Variants in AKAP12 observed in about 807,000 individuals in gnomAD.
AKAP12 encodes A-kinase anchor protein 12.
In AKAP12, 32 loss-of-function variants were observed where a neutral mutation model predicts 79.9. The observed-to-expected ratio is 0.40, with a 90% confidence interval of 0.30 to 0.54. The LOEUF is 0.54. Among genes scored for constraint, AKAP12 ranks in the 20% least tolerant of loss-of-function variants. AKAP12 has a pLI of 0.48. For synonymous variants in AKAP12, 808 were observed against 857.0 expected, an observed-to-expected ratio of 0.94 and a Z score of 1.00; for missense variants, 2,074 against 2,177.0, an observed-to-expected ratio of 0.95 and a Z score of 0.94.
chr6:151,283,175 G>A (rs1933079), intron 2 of AKAP12, among the ~76,000 whole-genome samples: 69,574 of 151,968 alleles, frequency 0.46, 16,983 homozygotes, highest in East Asian at 0.78. Flanking sequence ...TGAGCGTTAA[G>A]GTAGAACTAA....
intron 2 of AKAP12, among the ~76,000 whole-genome samples, chr6:151,263,274 A>G (rs903424926): frequency 4.0e-5 from 6 of 151,842 alleles, no homozygotes; most frequent in Non-Finnish European, 5.9e-5. Flanking sequence ...GGCTCAAGCA[A>G]TCCCCCTGCC....
At position 151,246,136 on chromosome 6, in the gene AKAP12, C is replaced by T. The variant is rs183500451; in HGVS notation, c.162+5412C>T. 2.2e-4 allele frequency among the ~76,000 whole-genome samples: 34 copies of T among 152,236 alleles called. No homozygotes were observed. In the East Asian group the frequency reaches 3.1e-3, roughly 14 times the overall value. Reference sequence around the variant, plus strand: ...TTTATATGCATTTAAAAATTTAACCCGGCAAGGTGCGGTGGCTCACGCCTG... The same window carrying T: ...TTTATATGCATTTAAAAATTTAACCTGGCAAGGTGCGGTGGCTCACGCCTG... On this transcript the variant is annotated intron_variant, in intron 2 of 4. Coordinates refer to ENST00000402676, the MANE Select transcript of AKAP12 (RefSeq NM_005100.4).
chr6:151,275,189 C>T (rs2114716853), intron 2 of AKAP12, among the ~76,000 whole-genome samples: 1 of 152,186 alleles, frequency 6.6e-6, no homozygotes, highest in East Asian at 1.9e-4. Context: ...GGTTGTACTC[C>T]CCAACCACTG....
At chr6:151,323,349 A>C (rs928867865) in intron 3 of AKAP12, among the ~76,000 whole-genome samples, 6 of 152,134 alleles carry the variant, frequency 3.9e-5, no homozygotes, top group African/African-American at 1.4e-4. Context: ...TCAGGAGTTC[A>C]AGACCAGCCT....
chr6:151,302,172 G>T (rs1408405339), intron 2 of AKAP12, among the ~76,000 whole-genome samples: 1 of 151,780 alleles, frequency 6.6e-6, no homozygotes, highest in South Asian at 2.1e-4. Flanking sequence ...CACCACACTT[G>T]GCTAATTTTT....
chr6:151,329,642 A>G (rs1255055505), intron 3 of AKAP12, among the ~76,000 whole-genome samples: 1 of 152,204 alleles, frequency 6.6e-6, no homozygotes, highest in Non-Finnish European at 1.5e-5. Context: ...TACCTTGCAC[A>G]TGGGTGTTTC....
At chr6:151,255,288 C>G (rs963558237) in intron 2 of AKAP12, among the ~76,000 whole-genome samples, 15 of 151,926 alleles carry the variant, frequency 9.9e-5, no homozygotes, top group Admixed American at 5.2e-4. Context: ...GCCTCAGCCT[C>G]CTGAGTAGCT....
intron 2 of AKAP12, among the ~76,000 whole-genome samples, chr6:151,248,429 T>C (rs545885913): frequency 2.4e-4 from 36 of 152,142 alleles, no homozygotes; most frequent in African/African-American, 8.7e-4. Context: ...GCTCATCAGA[T>C]ATTCTAATGT....
intron 2 of AKAP12, among the ~76,000 whole-genome samples, chr6:151,275,135 T>C (rs771226521): frequency 2.0e-5 from 3 of 152,120 alleles, no homozygotes; most frequent in Non-Finnish European, 4.4e-5. Context: ...TTGTAATTTT[T>C]CTCACAAACA....
intron 2 of AKAP12, among the ~76,000 whole-genome samples, chr6:151,289,491 A>G (rs1776569812): frequency 6.6e-6 from 1 of 152,246 alleles, no homozygotes; most frequent in East Asian, 1.9e-4. Flanking sequence ...CAAAAAGCCA[A>G]AAACCCATCT....
intron 2 of AKAP12, among the ~76,000 whole-genome samples, chr6:151,265,855 G>A (rs77387957): frequency 0.04 from 6,103 of 152,266 alleles, 204 homozygotes; most frequent in Non-Finnish European, 0.061. Flanking sequence ...ATTGGTGATC[G>A]TTAGGAGTCA....
At chr6:151,343,507 G>A (rs1778003635) in intron 3 of AKAP12, among the ~76,000 whole-genome samples, 1 of 152,212 alleles carries the variant, frequency 6.6e-6, no homozygotes, top group African/African-American at 2.4e-5. Flanking sequence ...GTGACCGCCA[G>A]GCACGGTGGC....
At chr6:151,297,751 T>A (rs1039960004) in intron 2 of AKAP12, among the ~76,000 whole-genome samples, 4 of 152,062 alleles carry the variant, frequency 2.6e-5, no homozygotes, top group African/African-American at 9.7e-5. Flanking sequence ...TGTTTCTAAT[T>A]TTGTTGGATT....
At chr6:151,327,543 A>G (rs1033856421) in intron 3 of AKAP12, among the ~76,000 whole-genome samples, 1 of 152,180 alleles carries the variant, frequency 6.6e-6, no homozygotes, top group African/African-American at 2.4e-5. Context: ...CTTTTTGGGT[A>G]CAATATGATT....
chr6:151,341,991 G>A (rs1562748403), intron 3 of AKAP12, among the ~76,000 whole-genome samples: 2 of 152,242 alleles, frequency 1.3e-5, no homozygotes, highest in Non-Finnish European at 2.9e-5. Flanking sequence ...CGTGACAGGT[G>A]CCAAAACGCT....
chr6:151,256,053 G>C (rs1309665160), intron 2 of AKAP12, among the ~76,000 whole-genome samples: 1 of 152,154 alleles, frequency 6.6e-6, no homozygotes, highest in Non-Finnish European at 1.5e-5. Context: ...ACAGTGCTCA[G>C]AGATACTGAG....
intron 2 of AKAP12, among the ~76,000 whole-genome samples, chr6:151,267,181 A>G (rs1397522980): frequency 1.3e-5 from 2 of 152,128 alleles, no homozygotes; most frequent in Non-Finnish European, 2.9e-5. Context: ...AGGATGAGGG[A>G]GAATATAGCT....
intron 3 of AKAP12, among the ~76,000 whole-genome samples, chr6:151,323,317 G>A (rs534795197): frequency 5.3e-4 from 81 of 152,294 alleles, no homozygotes; most frequent in Non-Finnish European, 7.9e-4. Flanking sequence ...TTGGGAGGCC[G>A]AGGCGGGTGG....
chr6:151,296,322 G>A (rs946947172), intron 2 of AKAP12, among the ~76,000 whole-genome samples: 1 of 152,202 alleles, frequency 6.6e-6, no homozygotes, highest in Non-Finnish European at 1.5e-5. Flanking sequence ...TCTGAAACCC[G>A]ATAAGCAGTT....
Sources: allele counts gnomAD v4.1 joint callset (sites outside exome capture counted in the v4.1 genomes callset), GRCh38; gene constraint gnomAD v4.1.1; transcripts MANE v1.5; gene names NCBI Gene and HGNC (gene_info 2026-07-23, HGNC 2026-07-21).